Variants in ABCA5 observed in about 807,000 individuals in gnomAD.
ABCA5 encodes the protein ATP binding cassette subfamily A member 5.
A neutral mutation model predicts 206.0 loss-of-function variants in ABCA5; 163 were observed. The ratio of observed to expected loss-of-function variants is 0.79; its 90% CI spans 0.70 to 0.90. The LOEUF is 0.90. Among genes scored for constraint, ABCA5 ranks in the 40% least tolerant of loss-of-function variants. The pLI is 0.00. For missense variants in ABCA5, 1,859 were observed against 1,912.9 expected, an observed-to-expected ratio of 0.97 and a Z score of 0.53; for synonymous variants, 609 against 613.8, an observed-to-expected ratio of 0.99 and a Z score of 0.11.
At chr17:69,289,529 T>G (rs1216259618) in intron 13 of ABCA5, among the ~76,000 whole-genome samples, 1 of 151,922 alleles carries the variant, frequency 6.6e-6, no homozygotes, top group Non-Finnish European at 1.5e-5. Flanking sequence ...GAGGGAAAGG[T>G]TTTAATTTTG....
chr17:69,249,096 T>C (rs1432058754), intron 37 of ABCA5: 1 of 152,148 alleles, frequency 6.6e-6, no homozygotes, highest in Non-Finnish European at 1.5e-5. Context: ...TAATTAGTGT[T>C]CTTGGCAAAA....
chr17:69,290,108 A>G (rs2075509585), intron 12 of ABCA5, 71 bp from the exon 13 acceptor site: 1 of 1,118,300 alleles, frequency 8.9e-7, no homozygotes, highest in African/African-American at 1.6e-5. Context: ...GTATCCTGAT[A>G]ACTTAGTTAT....
chr17:69,259,761 G>T lies in ABCA5; in HGVS notation c.3676C>A (p.Gln1226Lys), dbSNP rs536236223. The stretch of plus-strand genomic sequence containing the variant: ...CCTCCATATTTTTTCTCATAGTATT[G>T]TAAGAGGAAAATCCACAGTACACAC... ...LQCVLWIFLL[Q>K]YYEKKYGGRS... is the part of the protein sequence containing the mutation. The change falls in exon 28 of 39, where the codon CAA (glutamine) becomes AAA (lysine). Residue 1226 changes from glutamine to lysine, a missense_variant. Gln to Lys is a moderately conservative substitution (Grantham distance 53). Coordinates refer to ENST00000392676, the MANE Select transcript of ABCA5 (RefSeq NM_172232.4). 5 of 1,608,934 alleles carry T rather than the reference G, an allele frequency of 3.1e-6. No homozygotes were observed. Among genetic ancestry groups the T allele is most frequent in the Non-Finnish European group, 4.3e-6 (5 of 1,176,460 alleles).
At chr17:69,319,368 A>G (rs961135821) in intron 1 of ABCA5, among the ~76,000 whole-genome samples, 1 of 152,106 alleles carries the variant, frequency 6.6e-6, no homozygotes, top group African/African-American at 2.4e-5. Context: ...GGATTCACAG[A>G]ATTTTTTGTT....
At chr17:69,277,165 T>C (rs1459192913) in intron 19 of ABCA5, among the ~76,000 whole-genome samples, 1 of 152,194 alleles carries the variant, frequency 6.6e-6, no homozygotes, top group African/African-American at 2.4e-5. Flanking sequence ...TCTTTATTTT[T>C]CAGTTTCCTC....
At chr17:69,298,324 A>G (rs1330562856) in intron 9 of ABCA5, among the ~76,000 whole-genome samples, 1 of 146,250 alleles carries the variant, frequency 6.8e-6, no homozygotes, top group African/African-American at 2.6e-5. Flanking sequence ...GAGAGGAAGG[A>G]AGGAAGGAAG....
rs191688444 is a variant in ABCA5, at chr17:69,299,406, T to A, written c.1267+1733A>T. On this transcript the variant is annotated intron_variant, in intron 9 of 38. Coordinates refer to ENST00000392676, the MANE Select transcript of ABCA5 (RefSeq NM_172232.4). ...TAATTAATTCACAATTACAAAAATA[T>A]GGAACCAACCTAAATGCCCATCCCA... Among the ~76,000 whole-genome samples the A allele has an allele frequency of 3.6e-3, 550 of 151,114 alleles. 3 individuals carry two copies. The highest frequency in any genetic ancestry group is 6.5e-3 in the South Asian group (31 of 4,794).
Position 69,305,603 on chromosome 17 carries a change from C to T in ABCA5, c.789-793G>A, listed in dbSNP as rs898676406. 2.0e-5 allele frequency among the ~76,000 whole-genome samples: 3 copies of T among 152,148 alleles called. No homozygotes were observed. In the East Asian group the frequency reaches 5.8e-4, roughly 29 times the overall value. On this transcript the variant is annotated intron_variant, in intron 6 of 38. Coordinates refer to ENST00000392676, the MANE Select transcript of ABCA5 (RefSeq NM_172232.4). ...CCAATCCTTTGGCCAGGCACAGTGGCTCATGCCTGTAATCCCAGCACTTTG... is the reference window on the plus strand; with the variant it reads ...CCAATCCTTTGGCCAGGCACAGTGGTTCATGCCTGTAATCCCAGCACTTTG...
At position 69,294,642 on chromosome 17, in the gene ABCA5, G is replaced by C. The variant is rs781522940; in HGVS notation, c.1495+13C>G. The C allele has an allele frequency of 6.3e-7, 1 of 1,594,946 alleles. No homozygotes were observed. ...TTAAATACTATGGCCTGAATACTAGGAAAACTACTTACTTCTCAAAGCCTC... is the reference window on the plus strand; with the variant it reads ...TTAAATACTATGGCCTGAATACTAGCAAAACTACTTACTTCTCAAAGCCTC... On this transcript the variant is annotated intron_variant, in intron 11 of 38. Transcript: ENST00000392676.
Position 69,274,108 on chromosome 17 carries a change from A to G in ABCA5, c.2615T>C (p.Phe872Ser). 2 of 1,578,170 alleles carry G rather than the reference A, an allele frequency of 1.3e-6. No individual in the cohort carries two copies. Among genetic ancestry groups the G allele is most frequent in the Non-Finnish European group, 1.7e-6 (2 of 1,169,912 alleles). ...VRSVLLLLLI[F>S]FTVQIFMFLV... ...AAACATAAAAATCTGAACTGTGAAA[A>G]AAATTAAAAGCAGAAGCAACCTGAA... The change falls in exon 20 of 39, where the codon TTT becomes TCT. Residue 872 changes from phenylalanine (F) to serine (S), a missense_variant. By Grantham distance (155) the Phe-to-Ser change is radical. Coordinates refer to ENST00000392676, the MANE Select transcript of ABCA5 (RefSeq NM_172232.4).
chr17:69,253,929 T>G, intron 32 of ABCA5, 60 bp from the exon 33 acceptor site: 1 of 1,362,040 alleles, frequency 7.3e-7, no homozygotes, highest in South Asian at 1.2e-5. Context: ...AAATACCAAC[T>G]GGGTGTGATC....
intron 8 of ABCA5, 102 bp from the exon 9 acceptor site, chr17:69,301,388 C>A: frequency 1.2e-6 from 1 of 834,754 alleles, no homozygotes; most frequent in Admixed American, 3.5e-5. Flanking sequence ...TGATAGTAAC[C>A]AACTGGGCCT....
intron 1 of ABCA5, among the ~76,000 whole-genome samples, chr17:69,319,147 A>G (rs1016694090): frequency 3.3e-5 from 5 of 152,202 alleles, no homozygotes; most frequent in African/African-American, 1.2e-4. Flanking sequence ...CAAAGAGTTG[A>G]TAATAGGAGG....
intron 24 of ABCA5, among the ~76,000 whole-genome samples, chr17:69,262,180 G>GA (rs1297763888): frequency 6.6e-6 from 1 of 152,092 alleles, no homozygotes; most frequent in African/African-American, 2.4e-5. Context: ...ATGTGAACAT[G>GA]AATGCAAATC....
At chr17:69,266,485 T>C (rs2144924689) in intron 23 of ABCA5, among the ~76,000 whole-genome samples, 1 of 151,570 alleles carries the variant, frequency 6.6e-6, no homozygotes, top group African/African-American at 2.4e-5. Context: ...AGTTAGTGGG[T>C]GCAGTGCACC....
chr17:69,318,310 G>A (rs2075834380), intron 1 of ABCA5, among the ~76,000 whole-genome samples: 1 of 152,024 alleles, frequency 6.6e-6, no homozygotes, highest in Non-Finnish European at 1.5e-5. Context: ...GGTCAGACTG[G>A]TCTCAAACTT....
chr17:69,247,873 TAAAC>T (rs2074969711), intron 38 of ABCA5, among the ~76,000 whole-genome samples: 3 of 152,150 alleles, frequency 2.0e-5, no homozygotes, highest in South Asian at 4.1e-4. Context: ...CATAACTACT[TAAAC>T]AATGTAATTT....
At chr17:69,270,109 G>A (rs1325392952) in intron 22 of ABCA5, among the ~76,000 whole-genome samples, 1 of 152,076 alleles carries the variant, frequency 6.6e-6, no homozygotes, top group African/African-American at 2.4e-5. Flanking sequence ...GTTTTTAAAA[G>A]TATGAAAAGA....
At chr17:69,318,889 G>A (rs1289053898) in intron 1 of ABCA5, 5 of 697,236 alleles carry the variant, frequency 7.2e-6, no homozygotes, top group Non-Finnish European at 1.3e-5. Flanking sequence ...CAACTAGTGG[G>A]CAACAGAACA....
Sources: gnomAD v4.1 joint callset for allele counts (sites outside exome capture counted in the v4.1 genomes callset) on GRCh38, gnomAD v4.1.1 for gene constraint, MANE v1.5 for transcripts, NCBI Gene and HGNC (gene_info 2026-07-23, HGNC 2026-07-21) for gene names.